The following SEC61A2 variants were observed in gnomAD, a reference collection of about 807,000 sequenced individuals.
SEC61A2 encodes SEC61 translocon subunit alpha 2, also known as protein transport protein Sec61 subunit alpha isoform 2.
In SEC61A2, 28 loss-of-function variants were observed where a neutral mutation model predicts 59.9. The observed-to-expected ratio is 0.47, with a 90% CI of 0.35 to 0.64. The LOEUF (loss-of-function observed/expected upper bound fraction) is 0.64. Among genes scored for constraint, SEC61A2 ranks in the 30% least tolerant of loss-of-function variants. The pLI is 0.01. For missense variants in SEC61A2, 340 were observed against 585.9 expected (o/e 0.58, Z 4.33); for synonymous variants, 202 against 214.4 (o/e 0.94, Z 0.50).
chr10:12,167,607 A>C, downstream of SEC61A2: 1 of 1,217,334 alleles, frequency 8.2e-7, no homozygotes, highest in Non-Finnish European at 1.2e-6. Context: ...GAAAAAGCTA[A>C]TGGCAAATCT....
At position 12,129,886 on chromosome 10, in the gene SEC61A2, T is replaced by A. The variant is rs1353332683; in HGVS notation, c.7+92T>A. 7.6e-5 allele frequency: 90 copies of A among 1,185,184 alleles called. No homozygotes were observed. The South Asian group carries it at 1.8e-3, about 24-fold the overall frequency. The allele number at this position is 1,185,184 out of a possible 1,614,324, so 73.4% of individuals were successfully genotyped here. On this transcript the variant is annotated intron_variant, in intron 1 of 11. Coordinates refer to ENST00000298428, the MANE Select transcript of SEC61A2 (RefSeq NM_018144.4). The surrounding 1 kb of genome is among the most constrained non-coding windows in gnomAD (Gnocchi z 5.6). ...TGGGGCTGGCGCTCGCTCGGAGTCG[T>A]GGGGGCCAGGGATGCGCGGGCCGCT...
downstream of SEC61A2, chr10:12,167,744 A>C (rs1375995344): frequency 6.2e-7 from 1 of 1,614,190 alleles, no homozygotes; most frequent in Non-Finnish European, 8.5e-7. Context: ...TTGCATTTGC[A>C]TGTTTCAGTG....
chr10:12,153,817 T>G lies in SEC61A2; in HGVS notation c.463-1961T>G, dbSNP rs1834337639. ...TGTGTTTCACCCAGAAACATAGGTT[T>G]TGAAAACTGTTTGCATGCCGTTGTG... On this transcript the variant is annotated intron_variant, in intron 6 of 11. Coordinates refer to ENST00000298428, the MANE Select transcript of SEC61A2 (RefSeq NM_018144.4). This position sits in a 1 kb window ranked among gnomAD's most constrained non-coding sequence, Gnocchi z 5.2. The G allele has an allele frequency of 6.3e-7, 1 of 1,597,024 alleles. No homozygotes were observed. The highest frequency in any genetic ancestry group is 2.3e-5 in the East Asian group (1 of 44,246).
At position 12,132,599 on chromosome 10, in the gene SEC61A2, GC is replaced by G. The variant is rs1216775042; in HGVS notation, c.8-641del. Reference sequence around the variant, plus strand: ...GCTGAACTGCAGCCTGGGCAACACAGCGAGACTCTGTCTCAAAAAAAAAAAA... The same window carrying G: ...GCTGAACTGCAGCCTGGGCAACACAGGAGACTCTGTCTCAAAAAAAAAAAA... On this transcript the variant is annotated intron_variant, in intron 1 of 11. Transcript: ENST00000298428. Among the ~76,000 whole-genome samples, 7 of 137,194 alleles carry G rather than the reference GC, an allele frequency of 5.1e-5. No homozygotes were observed. The Admixed American group carries it at 5.5e-4, about 11-fold the overall frequency. The allele number at this position is 137,194 out of a possible 152,430, so 90.0% of individuals were successfully genotyped here.
At chr10:12,136,214 A>G in intron 3 of SEC61A2, 44 bp downstream of exon 3, 2 of 1,273,642 alleles carry the variant, frequency 1.6e-6, no homozygotes, top group East Asian at 2.3e-5. Context: ...CCATTGTTCT[A>G]AGGTTTTGAT....
intron 3 of SEC61A2, among the ~76,000 whole-genome samples, chr10:12,139,640 C>T (rs534242802): frequency 1.3e-3 from 200 of 152,088 alleles, no homozygotes; most frequent in Middle Eastern, 6.8e-3. Flanking sequence ...AAAAATTAGG[C>T]GGGCGTGGTG....
chr10:12,159,506 T>C (rs1204333486), intron 9 of SEC61A2, among the ~76,000 whole-genome samples: 1 of 152,044 alleles, frequency 6.6e-6, no homozygotes, highest in Non-Finnish European at 1.5e-5. Flanking sequence ...CTGGGCAACA[T>C]AGCGAGACCC....
intron 3 of SEC61A2, among the ~76,000 whole-genome samples, chr10:12,137,628 T>C (rs778759608): frequency 2.6e-5 from 4 of 152,206 alleles, no homozygotes; most frequent in Non-Finnish European, 5.9e-5. Context: ...AAATAAAATG[T>C]TGCAGACATA....
In SEC61A2 at chr10:12,153,632, G is replaced by T; in HGVS notation, c.463-2146G>T. On this transcript the variant is annotated intron_variant, in intron 6 of 11. Coordinates refer to ENST00000298428, the MANE Select transcript of SEC61A2 (RefSeq NM_018144.4). The surrounding 1 kb of genome is among the most constrained non-coding windows in gnomAD (Gnocchi z 5.2). ...ACACTGATTCATTTACATGAATTCT[G>T]ATACACAAATATGCGTGTTATGGCT... The T allele has an allele frequency of 8.1e-7, 1 of 1,237,714 alleles. No homozygotes were observed. The highest frequency in any genetic ancestry group is 1.6e-5 in the South Asian group (1 of 63,590). The allele number at this position is 1,237,714 out of a possible 1,614,324, so 76.7% of individuals were successfully genotyped here. A position where few individuals can be genotyped will look rare whatever the true frequency, so the allele number is the denominator to read the frequency against.
At chr10:12,157,781 C>A (rs566944414) in intron 8 of SEC61A2, 127 bp from the exon 9 acceptor site, 8 of 835,872 alleles carry the variant, frequency 9.6e-6, no homozygotes, top group Non-Finnish European at 1.5e-5. Context: ...GATTACAGGC[C>A]TGAGCCCCTG....
rs1007259908 is a variant in SEC61A2 at position 12,156,961 on chromosome 10, C to T, written c.671C>T (p.Thr224Met). 6 of 1,613,852 alleles carry T rather than the reference C, an allele frequency of 3.7e-6. No homozygotes were observed. The highest frequency in any genetic ancestry group is 3.3e-5 in the South Asian group (3 of 91,074). ...CTGTTCCATTTGTTGGCCACCAGGA[C>T]GGACAAAGTCCGAGCTTTACGGGAG... ...IALFHLLATR[T>M]DKVRALREAF... The change falls in exon 8 of 12, where the codon ACG becomes ATG. Residue 224 changes from threonine to methionine, a missense_variant. Thr to Met is a moderately conservative substitution (Grantham distance 81). This residue lies in a region of SEC61A2 where 283 missense variants were observed against 483.2 expected (regional missense o/e 0.59). Transcript: ENST00000298428. The surrounding 1 kb of genome is among the most constrained non-coding windows in gnomAD (Gnocchi z 5.2).
Position 12,161,033 on chromosome 10 carries a change from A to G in SEC61A2, c.1079A>G (p.His360Arg). 3 of 1,614,088 alleles carry G rather than the reference A, an allele frequency of 1.9e-6. No individual in the cohort carries two copies. The highest frequency in any genetic ancestry group is 2.5e-6 in the Non-Finnish European group (3 of 1,179,958). ...GGCGCCATCTTTGAGGATCCTGTCC[A>G]TGTCGTTGTTTATATCATCTTCATG... ...SMGAIFEDPV[H>R]VVVYIIFMLG... Residue 360 changes from histidine to arginine, a missense_variant, in exon 10 of 12, where the codon CAT becomes CGT. Physicochemically the swap from His to Arg is conservative, Grantham distance 29 (BLOSUM62 0). Transcript: ENST00000298428. The surrounding 1 kb of genome is among the most constrained non-coding windows in gnomAD (Gnocchi z 5.4).
At position 12,162,234 on chromosome 10, in the gene SEC61A2, C is replaced by G; in HGVS notation, c.1189C>G (p.Gln397Glu). The G allele has an allele frequency of 6.2e-7, 1 of 1,613,540 alleles. No individual in the cohort carries two copies. Among genetic ancestry groups the G allele is most frequent in the Non-Finnish European group, 8.5e-7 (1 of 1,179,768 alleles). ...AKDVAKQLKE[Q>E]QMVMRGHRDT... ...GCAGGTAGCTAAACAGCTGAAAGAA[C>G]AGCAGATGGTAATGAGGGGCCACCG... Residue 397 changes from glutamine to glutamate, a missense_variant, in exon 11 of 12, where the codon CAG becomes GAG. Physicochemically the swap from Gln to Glu is conservative, Grantham distance 29. Transcript: ENST00000298428. The surrounding 1 kb of genome is among the most constrained non-coding windows in gnomAD (Gnocchi z 6.1).
intron 3 of SEC61A2, among the ~76,000 whole-genome samples, chr10:12,137,458 C>T (rs1486591294): frequency 6.6e-6 from 1 of 151,930 alleles, no homozygotes; most frequent in Non-Finnish European, 1.5e-5. Flanking sequence ...GCACGAGCCA[C>T]TACACCCAGT....
downstream of SEC61A2, chr10:12,167,427 G>C (rs1834729384): frequency 2.9e-6 from 1 of 341,112 alleles, no homozygotes; most frequent in South Asian, 3.0e-5. Flanking sequence ...AAAAGTAACT[G>C]AGCTGTAGTT....
In SEC61A2 at chr10:12,149,944, C is replaced by T. The variant is rs1288622142; in HGVS notation, c.445C>T (p.Leu149Phe). 6.2e-7 allele frequency: 1 copy of T among 1,608,468 alleles called. No individual in the cohort carries two copies. The highest frequency in any genetic ancestry group is 1.3e-5 in the African/African-American group (1 of 74,786). The change falls in exon 6 of 12, where the codon CTC (leucine) becomes TTC (phenylalanine). Residue 149 changes from leucine (L) to phenylalanine (F), a missense_variant. Around this residue, in one of 3 missense-constraint regions of SEC61A2, gnomAD observed 283 missense variants for 483.2 expected, o/e 0.59. Transcript: ENST00000298428. The surrounding 1 kb of genome is among the most constrained non-coding windows in gnomAD (Gnocchi z 5.2). ...TGCAGAAATGGGTGCCGGAATCTGT[C>T]TCCTGATCATCATTCAGGTAAGAAA... is the stretch of plus-strand genomic sequence containing the variant. ...DPAEMGAGIC[L>F]LIIIQLFVAG...
rs1834609057 is a variant in SEC61A2, at chr10:12,164,250, T to A, written c.1245-18T>A. The stretch of plus-strand genomic sequence containing the variant: ...TCCTGGTCTCTGCTGCCGCCTAACT[T>A]GGGGTTCTGTCTCCTAGGTACATCC... On this transcript the variant is annotated intron_variant, in intron 11 of 11. Coordinates refer to ENST00000298428, the MANE Select transcript of SEC61A2 (RefSeq NM_018144.4). The surrounding 1 kb of genome is among the most constrained non-coding windows in gnomAD (Gnocchi z 7.3). 1.2e-6 allele frequency: 2 copies of A among 1,611,450 alleles called. No individual in the cohort carries two copies. Among genetic ancestry groups the A allele is most frequent in the African/African-American group, 1.3e-5 (1 of 74,836 alleles).
rs907119112 is a variant in SEC61A2, at chr10:12,162,038, G to A, written c.1168-175G>A. Among the ~76,000 whole-genome samples, 4 of 152,146 alleles carry A rather than the reference G, an allele frequency of 2.6e-5. No individual in the cohort carries two copies. The highest frequency in any genetic ancestry group is 6.5e-5 in the Admixed American group (1 of 15,268). On this transcript the variant is annotated intron_variant, in intron 10 of 11. Coordinates refer to ENST00000298428, the MANE Select transcript of SEC61A2 (RefSeq NM_018144.4). This position sits in a 1 kb window ranked among gnomAD's most constrained non-coding sequence, Gnocchi z 6.1. ...CGGTTTCATATGGGTAACATGGAGC[G>A]GAGGAGCACTGAAGCTTTGGTTTCC...
At chr10:12,129,642 AGGGCGGAGTCTGCGCGGGGTT>A (rs1260658597), upstream of SEC61A2, 7 of 719,180 alleles carry the variant, frequency 9.7e-6, no homozygotes, top group Non-Finnish European at 1.3e-5. The surrounding 1 kb of genome is among the most constrained non-coding windows in gnomAD (Gnocchi z 5.6). Flanking sequence ...CAGGTGGCGA[AGGGCGGAGTCTGCGCGGGGTT>A]GGGCGGAGCC....
Sources: gnomAD v4.1 joint callset for allele counts (sites outside exome capture counted in the v4.1 genomes callset) on GRCh38, gnomAD v4.1.1 for gene constraint, gnomAD v4.1.1 regional missense constraint, Gnocchi (gnomAD v3.1) non-coding constraint, MANE v1.5 for transcripts, NCBI Gene and HGNC (gene_info 2026-07-23, HGNC 2026-07-21) for gene names.